Variants in INPP4B observed in about 807,000 individuals in gnomAD.
INPP4B encodes inositol polyphosphate-4-phosphatase type II B.
A neutral mutation model predicts 122.5 loss-of-function variants in INPP4B; 55 were observed. The ratio of observed to expected loss-of-function variants is 0.45; its 90% CI spans 0.36 to 0.56. The LOEUF is 0.56. INPP4B is among the 20% of genes least tolerant of loss of function. INPP4B has a pLI of 0.00. For missense variants in INPP4B, 1,000 were observed against 1,097.7 expected (o/e 0.91, Z 1.26); for synonymous variants, 403 against 388.7 (o/e 1.04, Z -0.43).
At position 142,124,715 on chromosome 4, in the gene INPP4B, T is replaced by C. The variant is rs1349508976; in HGVS notation, c.1766A>G (p.Asp589Gly). ...TCGGTTCACCACTTCTCCCATGCAG[T>C]CCTTCAGGGTAAGGATGAGGGGATA... ...QLYPLILTLK[D>G]CMGEVVNRAK... The change falls in exon 19 of 26, where the codon GAC becomes GGC. Residue 589 changes from aspartate to glycine, a missense_variant. Asp to Gly is a moderately conservative substitution (Grantham distance 94). Coordinates refer to ENST00000262992, the MANE Select transcript of INPP4B (RefSeq NM_001101669.3). 6.2e-7 allele frequency: 1 copy of C among 1,607,840 alleles called. No homozygotes were observed. The highest frequency in any genetic ancestry group is 1.7e-5 in the Admixed American group (1 of 59,602).
intron 7 of INPP4B, among the ~76,000 whole-genome samples, chr4:142,327,547 A>G (rs896803226): frequency 2.6e-5 from 4 of 152,120 alleles, no homozygotes; most frequent in African/African-American, 9.7e-5. Flanking sequence ...ACTGCAGTAG[A>G]TCTATTCTAC....
chr4:142,305,789 CA>C, intron 8 of INPP4B: 1 of 1,282,814 alleles, frequency 7.8e-7, no homozygotes, highest in Non-Finnish European at 9.9e-7. Context: ...AGGTAAAATA[CA>C]GCACCCAGAG....
chr4:142,268,324 A>AAAAAAAAAAAAAAAAAAAAAAAAAAAAC (rs1743938864), intron 10 of INPP4B, among the ~76,000 whole-genome samples: 1 of 129,570 alleles, frequency 7.7e-6, no homozygotes, highest in Non-Finnish European at 1.6e-5. Flanking sequence ...CTCCGTCTCA[A>AAAAAAAAAAAAAAAAAAAAAAAAAAAAC]AAAAAAAAAA....
intron 1 of INPP4B, among the ~76,000 whole-genome samples, chr4:142,801,300 C>G (rs1777980902): frequency 6.6e-6 from 1 of 152,314 alleles, no homozygotes; most frequent in Middle Eastern, 3.4e-3. Flanking sequence ...TATTGAAGCT[C>G]TAATCCCCAG....
chr4:142,397,785 G>A (rs1799832972), intron 7 of INPP4B, among the ~76,000 whole-genome samples: 1 of 151,994 alleles, frequency 6.6e-6, no homozygotes, highest in Non-Finnish European at 1.5e-5. Context: ...GTTGCAGTAA[G>A]CCAACATTGA....
At chr4:142,566,389 G>T (rs567809768) in intron 2 of INPP4B, among the ~76,000 whole-genome samples, 50 of 152,250 alleles carry the variant, frequency 3.3e-4, no homozygotes, top group South Asian at 1.2e-3. Context: ...ATGTGAAGGA[G>T]ATGTAAAAGG....
At chr4:142,355,745 A>G (rs1312495231) in intron 7 of INPP4B, among the ~76,000 whole-genome samples, 5 of 152,060 alleles carry the variant, frequency 3.3e-5, no homozygotes, top group African/African-American at 1.2e-4. Flanking sequence ...AAAGCACTTA[A>G]GGCAGGCAGT....
chr4:142,173,747 C>A lies in INPP4B; in HGVS notation c.1244G>T (p.Ser415Ile), dbSNP rs528949825. The A allele has an allele frequency of 2.0e-5, 32 of 1,613,304 alleles. No homozygotes were observed. In the South Asian group the frequency reaches 3.4e-4, roughly 17 times the overall value. ...AAGAGGTTGTAGTTGATTGATGTTG[C>A]TGAGAACTTCCTTTGCTTTGGCTGT... ...ENTAKAKEVL[S>I]NINQLQPLIA... The change falls in exon 16 of 26, where the codon AGC (serine) becomes ATC (isoleucine). Residue 415 changes from serine (S) to isoleucine (I), a missense_variant. By Grantham distance (142) the Ser-to-Ile change is moderately radical (BLOSUM62 -2). Transcript: ENST00000262992.
intron 7 of INPP4B, among the ~76,000 whole-genome samples, chr4:142,355,882 G>A (rs1783440678): frequency 6.6e-6 from 1 of 151,174 alleles, no homozygotes. Context: ...TTTAACATAA[G>A]GATAGCTTTG....
At chr4:142,112,114 T>TA (rs1790497087) in intron 22 of INPP4B, among the ~76,000 whole-genome samples, 1 of 152,142 alleles carries the variant, frequency 6.6e-6, no homozygotes, top group Non-Finnish European at 1.5e-5. Flanking sequence ...AAGTCATTAT[T>TA]AAAAAAGCTA....
intron 11 of INPP4B, among the ~76,000 whole-genome samples, chr4:142,257,620 A>G (rs531646517): frequency 6.6e-6 from 1 of 152,360 alleles, no homozygotes; most frequent in African/African-American, 2.4e-5. Context: ...TTCAAAGAGA[A>G]TCAAATACCT....
At chr4:142,834,170 A>G (rs1218313886) in intron 1 of INPP4B, among the ~76,000 whole-genome samples, 1 of 152,176 alleles carries the variant, frequency 6.6e-6, no homozygotes, top group African/African-American at 2.4e-5. Context: ...AGCCATCTCA[A>G]ATCATTTTTG....
intron 1 of INPP4B, among the ~76,000 whole-genome samples, chr4:142,732,157 T>G (rs901280221): frequency 3.9e-5 from 6 of 152,114 alleles, no homozygotes; most frequent in Non-Finnish European, 7.4e-5. Context: ...ATTTTATAGA[T>G]ATAAAAACTA....
At chr4:142,073,990 C>T (rs1203049411) in intron 25 of INPP4B, among the ~76,000 whole-genome samples, 1 of 151,878 alleles carries the variant, frequency 6.6e-6, no homozygotes, top group East Asian at 1.9e-4. Context: ...AAAATGGAGC[C>T]CTGTCCCCCT....
intron 2 of INPP4B, among the ~76,000 whole-genome samples, chr4:142,577,769 C>T (rs1734169511): frequency 6.6e-6 from 1 of 151,896 alleles, no homozygotes; most frequent in Non-Finnish European, 1.5e-5. Flanking sequence ...GGCTTTTTCT[C>T]TCTTATTCTG....
chr4:142,830,885 G>A (rs1472324615), intron 1 of INPP4B, among the ~76,000 whole-genome samples: 1 of 151,236 alleles, frequency 6.6e-6, no homozygotes, highest in Non-Finnish European at 1.5e-5. Context: ...ATCCAGGTGT[G>A]GTAGCATATG....
At chr4:142,241,657 G>C (rs1226689061) in intron 11 of INPP4B, among the ~76,000 whole-genome samples, 2 of 152,152 alleles carry the variant, frequency 1.3e-5, no homozygotes, top group East Asian at 3.8e-4. Context: ...AGATAGAAAA[G>C]ACTGTTGCTC....
intron 2 of INPP4B, among the ~76,000 whole-genome samples, chr4:142,611,637 C>CTT (rs34482115): frequency 3.2e-4 from 21 of 65,238 alleles, no homozygotes; most frequent in East Asian, 5.2e-4. Context: ...TTTCTTTTTT[C>CTT]TTTTTTTTTT....
chr4:142,714,849 T>G (rs1378990253), intron 2 of INPP4B, among the ~76,000 whole-genome samples: 1 of 152,214 alleles, frequency 6.6e-6, no homozygotes, highest in Non-Finnish European at 1.5e-5. Context: ...AAAAGATATC[T>G]GGGTTATCTT....
Sources: allele counts gnomAD v4.1 joint callset (sites outside exome capture counted in the v4.1 genomes callset), GRCh38; gene constraint gnomAD v4.1.1; transcripts MANE v1.5; gene names NCBI Gene and HGNC (gene_info 2026-07-23, HGNC 2026-07-21).